Variants in NUCB2 observed in about 807,000 individuals in gnomAD.
The protein encoded by NUCB2 is nucleobindin-2.
A neutral mutation model predicts 57.9 loss-of-function variants in NUCB2; 48 were observed. The ratio of observed to expected loss-of-function variants is 0.83; its 90% confidence interval spans 0.66 to 1.05. NUCB2 has a LOEUF of 1.05. Ranked by LOEUF, NUCB2 falls within the 50% of genes least tolerant of loss-of-function variation. The pLI, the probability that NUCB2 is intolerant of heterozygous loss-of-function variation, is 0.00. For missense variants in NUCB2, 442 were observed against 476.2 expected (o/e 0.93, Z 0.67); for synonymous variants, 139 against 152.1 (o/e 0.91, Z 0.64).
intron 2 of NUCB2, among the ~76,000 whole-genome samples, chr11:17,284,736 C>G (rs1428150001): frequency 6.6e-6 from 1 of 152,128 alleles, no homozygotes; most frequent in Non-Finnish European, 1.5e-5. Flanking sequence ...CGTTATAAAT[C>G]ACCTGACTGA....
At chr11:17,292,874 G>A (rs1945166040) in intron 2 of NUCB2, among the ~76,000 whole-genome samples, 1 of 152,246 alleles carries the variant, frequency 6.6e-6, no homozygotes, top group South Asian at 2.1e-4. Flanking sequence ...ATAAGCATGG[G>A]GATCAATTAA....
intron 2 of NUCB2, among the ~76,000 whole-genome samples, chr11:17,339,273 C>A (rs1301586420): frequency 6.6e-6 from 1 of 152,156 alleles, no homozygotes; most frequent in African/African-American, 2.4e-5. Flanking sequence ...CAGGTGTGAG[C>A]CACTGTGCCT....
chr11:17,288,953 A>AT (rs1394028630), intron 2 of NUCB2, among the ~76,000 whole-genome samples: 2 of 35,198 alleles, frequency 5.7e-5, no homozygotes, highest in African/African-American at 5.2e-4. Context: ...ACACACACAT[A>AT]TATATATATA....
At position 17,330,290 on chromosome 11, in the gene NUCB2, A is replaced by G; in HGVS notation, c.1166A>G (p.Tyr389Cys). 1 of 1,593,322 alleles carries G rather than the reference A, an allele frequency of 6.3e-7. No individual in the cohort carries two copies. The highest frequency in any genetic ancestry group is 8.5e-7 in the Non-Finnish European group (1 of 1,174,682). Reference sequence around the variant, plus strand: ...CAACTGGAGGCTCAGAAGCTGGAATATCATCAGGTGGCATTTTGTCAAAAG... The same window carrying G: ...CAACTGGAGGCTCAGAAGCTGGAATGTCATCAGGTGGCATTTTGTCAAAAG... ...HDQLEAQKLE[Y>C]HQVIQQMEQK... Residue 389 changes from tyrosine (Y) to cysteine (C), a missense_variant, in exon 12 of 14, where the codon TAT (tyrosine) becomes TGT (cysteine). Physicochemically the swap from Tyr to Cys is radical, Grantham distance 194. Transcript: ENST00000529010. This position sits in a 1 kb window ranked among gnomAD's most constrained non-coding sequence, Gnocchi z 4.3.
At chr11:17,319,569 T>C (rs1309319709) in intron 11 of NUCB2, among the ~76,000 whole-genome samples, 1 of 152,204 alleles carries the variant, frequency 6.6e-6, no homozygotes, top group Non-Finnish European at 1.5e-5. Context: ...TGGATGTGTA[T>C]ATGTACATAT....
rs1388811757 is a variant in NUCB2 at position 17,288,940 on chromosome 11, CACACACACACAT to C, written c.-1+5999_-1+6010del. ...ACACACACACACACACACACACACA[CACACACACACAT>C]ATATATATATATTTTTTTTTTTTGA... On this transcript the variant is annotated intron_variant, in intron 2 of 13. Coordinates refer to ENST00000529010, the MANE Select transcript of NUCB2 (RefSeq NM_005013.4). 3.1e-3 allele frequency among the ~76,000 whole-genome samples: 251 copies of C among 81,542 alleles called. 17 individuals are homozygous for C. The highest frequency in any genetic ancestry group is 7.5e-3 in the South Asian group (16 of 2,130). 53.5% of individuals were successfully genotyped at this position (81,542 alleles called of 152,430 possible).
intron 7 of NUCB2, 64 bp from the exon 8 acceptor site, chr11:17,311,129 T>A: frequency 6.9e-7 from 1 of 1,439,320 alleles, no homozygotes; most frequent in Non-Finnish European, 9.5e-7. Context: ...CTCAAATTTA[T>A]ATTTTGAGTC....
rs1951444638 is a variant in NUCB2, at chr11:17,331,897, T to G, written c.*478T>G. ...AAAGGCCACAGTATTTCCCTGTGTT[T>G]CCTGGTAACGTTTTTCTAGTTTTGG... On this transcript the variant is annotated 3_prime_UTR_variant, in exon 14 of 14. Transcript: ENST00000529010. 6.6e-6 allele frequency: 1 copy of G among 152,596 alleles called. No homozygotes were observed. The highest frequency in any genetic ancestry group is 1.5e-5 in the Non-Finnish European group (1 of 68,300). The allele number at this position is 152,596 out of a possible 1,614,324, so 9.5% of individuals were successfully genotyped here.
intron 4 of NUCB2, 48 bp from the exon 5 acceptor site, chr11:17,301,696 A>G (rs759373647): frequency 3.9e-5 from 57 of 1,471,964 alleles, no homozygotes; most frequent in Non-Finnish European, 5.0e-5. Flanking sequence ...GCATTTGTCT[A>G]AAAATGGAAT....
intron 11 of NUCB2, among the ~76,000 whole-genome samples, chr11:17,326,809 C>T (rs142232738): frequency 6.6e-6 from 1 of 152,202 alleles, no homozygotes; most frequent in African/African-American, 2.4e-5. Flanking sequence ...GACTTTTGTA[C>T]CTTCAGATGA....
chr11:17,339,657 T>C (rs371641753), intron 2 of NUCB2, among the ~76,000 whole-genome samples: 3 of 151,890 alleles, frequency 2.0e-5, no homozygotes, highest in East Asian at 1.9e-4. Flanking sequence ...CCAGCTTCAT[T>C]CATGTCCCTA....
At position 17,343,527 on chromosome 11, in the gene NUCB2, T is replaced by C. The variant is rs550941108; in HGVS notation, n.2627-5818T>C. On this transcript the variant is annotated intron_variant and non_coding_transcript_variant, in intron 2 of 2. Coordinates refer to the NUCB2 transcript ENST00000532240. ...GCCATGTTGTATTTGTTTTGTACCATGTTGTTTGGCCTATTTTGCTTCCAT... is the reference window on the plus strand; with the variant it reads ...GCCATGTTGTATTTGTTTTGTACCACGTTGTTTGGCCTATTTTGCTTCCAT... Among the ~76,000 whole-genome samples the C allele has an allele frequency of 3.1e-4, 47 of 152,354 alleles. 1 individual carries two copies. Among genetic ancestry groups the C allele is most frequent in the Middle Eastern group, 6.8e-3 (2 of 294 alleles).
At chr11:17,295,241 A>T in intron 2 of NUCB2, 83 bp from the exon 3 acceptor site, 1 of 1,204,458 alleles carries the variant, frequency 8.3e-7, no homozygotes, top group Non-Finnish European at 1.1e-6. Context: ...GATTAAATAT[A>T]TGATTAATGT....
chr11:17,302,884 G>T (rs1274653905), intron 5 of NUCB2, among the ~76,000 whole-genome samples: 1 of 151,898 alleles, frequency 6.6e-6, no homozygotes, highest in Non-Finnish European at 1.5e-5. Flanking sequence ...GACTACAGGC[G>T]CCCACTACCA....
At chr11:17,312,466 C>T (rs12281007) in intron 10 of NUCB2, among the ~76,000 whole-genome samples, 5,302 of 151,444 alleles carry the variant, frequency 0.035, 129 homozygotes, top group South Asian at 0.056. Context: ...TGCAGTGGCG[C>T]GACCTCGGCT....
intron 5 of NUCB2, among the ~76,000 whole-genome samples, chr11:17,308,599 G>A (rs937115704): frequency 2.0e-5 from 3 of 152,088 alleles, no homozygotes; most frequent in Non-Finnish European, 2.9e-5. Flanking sequence ...AGAAGGGCTC[G>A]TATTGCGTTG....
Position 17,345,518 on chromosome 11 carries a change from C to T in NUCB2, n.2627-3827C>T, listed in dbSNP as rs545189358. Among the ~76,000 whole-genome samples the T allele has an allele frequency of 1.2e-4, 19 of 152,244 alleles. No individual in the cohort carries two copies. In the East Asian group the frequency reaches 3.5e-3, roughly 28 times the overall value. ...GGTCAGGTGTTAAAGACCAGCCTGGCCAAGATGGTGAAACCCCATCTCTAC... is the reference window on the plus strand; with the variant it reads ...GGTCAGGTGTTAAAGACCAGCCTGGTCAAGATGGTGAAACCCCATCTCTAC... On this transcript the variant is annotated intron_variant and non_coding_transcript_variant, in intron 2 of 2. Transcript: ENST00000532240.
chr11:17,311,022 G>T lies in NUCB2; in HGVS notation c.669+12G>T. The T allele has an allele frequency of 6.4e-7, 1 of 1,557,238 alleles. No homozygotes were observed. The highest frequency in any genetic ancestry group is 1.2e-5 in the South Asian group (1 of 81,302). Reference sequence around the variant, plus strand: ...AAGTTAATCACCCAGTAAGGATTGTGACTTTATGAAACCATTTTTAGATAA... The same window carrying T: ...AAGTTAATCACCCAGTAAGGATTGTTACTTTATGAAACCATTTTTAGATAA... On this transcript the variant is annotated intron_variant, in intron 7 of 13. Transcript: ENST00000529010.
At chr11:17,298,071 G>A (rs565271319) in intron 4 of NUCB2, among the ~76,000 whole-genome samples, 10 of 117,706 alleles carry the variant, frequency 8.5e-5, no homozygotes, top group Non-Finnish European at 1.1e-4. Flanking sequence ...AACAGAGTGA[G>A]ACTTCGTCTC....
Sources: allele counts gnomAD v4.1 joint callset (sites outside exome capture counted in the v4.1 genomes callset), GRCh38; gene constraint gnomAD v4.1.1; non-coding constraint Gnocchi (gnomAD v3.1); transcripts MANE v1.5; gene names NCBI Gene and HGNC (gene_info 2026-07-23, HGNC 2026-07-21).